The following MYO16 variants were observed in gnomAD, a reference collection of about 807,000 sequenced individuals.
MYO16 encodes unconventional myosin-XVI.
A neutral mutation model predicts 205.3 loss-of-function variants in MYO16; 94 were observed. The observed-to-expected ratio is 0.46, with a 90% CI of 0.39 to 0.54. The LOEUF (loss-of-function observed/expected upper bound fraction) is 0.54, where lower values mean the gene tolerates loss of function less well. Ranked by LOEUF, MYO16 falls within the 20% of genes least tolerant of loss-of-function variation. The probability of loss-of-function intolerance (pLI) is 0.00; values close to 1 mark genes in which losing one functional copy is unlikely to be tolerated. For synonymous variants in MYO16, 988 were observed against 954.0 expected (o/e 1.04, Z -0.66); for missense variants, 2,315 against 2,387.5 (o/e 0.97, Z 0.63).
At position 108,728,442 on chromosome 13, in the gene MYO16, C is replaced by T. The variant is rs557419984; in HGVS notation, c.507+859C>T. Among the ~76,000 whole-genome samples the T allele has an allele frequency of 6.3e-3, 941 of 149,290 alleles. 7 individuals are homozygous for T. The highest frequency in any genetic ancestry group is 0.022 in the African/African-American group (884 of 40,906). ...TTTCCCATGCCTGCCATACCAATTA[C>T]CGCCTAGTTGGTGGCTGAACACAAG... On this transcript the variant is annotated intron_variant, in intron 4 of 34. Transcript: ENST00000457511.
At position 108,603,152 on chromosome 13, in the gene MYO16, A is replaced by C. The variant is rs74117272; in HGVS notation, c.-39+6913A>C. Among the ~76,000 whole-genome samples the C allele has an allele frequency of 5.3e-3, 802 of 152,334 alleles. 12 individuals are homozygous for C. The highest frequency in any genetic ancestry group is 0.019 in the African/African-American group (773 of 41,576). ...TATCATGAAACACACATCTCGCCTA[A>C]AAACCAACTGAGAATTAGATTTGAT... On this transcript the variant is annotated intron_variant, in intron 1 of 24. Transcript: ENST00000251041.
At chr13:108,980,246 T>C (rs1884406393) in intron 20 of MYO16, among the ~76,000 whole-genome samples, 1 of 152,256 alleles carries the variant, frequency 6.6e-6, no homozygotes, top group South Asian at 2.1e-4. Flanking sequence ...TAGCATTTTG[T>C]TTTGCTAGCT....
chr13:108,680,658 G>A (rs1273741360), intron 2 of MYO16, among the ~76,000 whole-genome samples: 1 of 152,164 alleles, frequency 6.6e-6, no homozygotes, highest in Non-Finnish European at 1.5e-5. Flanking sequence ...TACACATGGA[G>A]AAATTGGTCT....
At chr13:108,556,997 G>C in the MYO16 span, among the ~76,000 whole-genome samples, 1 of 152,030 alleles carries the variant, frequency 6.6e-6, no homozygotes, top group Non-Finnish European at 1.5e-5. Flanking sequence ...CTATGCATCT[G>C]TTTTTATGCT....
At chr13:108,901,916 A>G (rs1277849946) in intron 15 of MYO16, among the ~76,000 whole-genome samples, 1 of 152,244 alleles carries the variant, frequency 6.6e-6, no homozygotes, top group Non-Finnish European at 1.5e-5. Context: ...ACTGGGAATC[A>G]GTTGTTTCCT....
intron 16 of MYO16, among the ~76,000 whole-genome samples, chr13:108,954,602 C>A (rs143327486): frequency 1.3e-5 from 2 of 151,940 alleles, no homozygotes; most frequent in Non-Finnish European, 1.5e-5. Context: ...ATTAGCCAGG[C>A]GTGGCGACAT....
chr13:109,171,574 C>G (rs554806121), intron 33 of MYO16, among the ~76,000 whole-genome samples: 2 of 152,160 alleles, frequency 1.3e-5, no homozygotes, highest in Non-Finnish European at 2.9e-5. Context: ...TTTACTGATG[C>G]GAGCGCAGAC....
At chr13:108,650,107 TA>T (rs1413319815) in intron 1 of MYO16, among the ~76,000 whole-genome samples, 2 of 151,982 alleles carry the variant, frequency 1.3e-5, no homozygotes, top group African/African-American at 4.8e-5. Context: ...ATCAAAAAAT[TA>T]AATAGCAAAT....
chr13:109,048,158 T>C (rs1287420378), intron 24 of MYO16, among the ~76,000 whole-genome samples: 3 of 318 alleles, frequency 9.4e-3, no homozygotes, highest in Non-Finnish European at 0.016. Flanking sequence ...AGGATATGTG[T>C]GTGTGTGTGT....
At chr13:109,183,716 A>G (rs1879555202) in intron 34 of MYO16, among the ~76,000 whole-genome samples, 1 of 152,228 alleles carries the variant, frequency 6.6e-6, no homozygotes, top group African/African-American at 2.4e-5. Flanking sequence ...TTTGTAAAGA[A>G]CATAAAAAGT....
At chr13:109,030,187 G>A (rs1387781471) in intron 23 of MYO16, among the ~76,000 whole-genome samples, 5 of 148,978 alleles carry the variant, frequency 3.4e-5, no homozygotes, top group Admixed American at 1.3e-4. Context: ...AAAACTAGCG[G>A]ATAGAATCAC....
intron 5 of MYO16, among the ~76,000 whole-genome samples, chr13:108,791,801 A>G (rs1336046424): frequency 6.6e-6 from 1 of 152,236 alleles, no homozygotes; most frequent in Non-Finnish European, 1.5e-5. Context: ...AGCACATTGA[A>G]GCCCACACAG....
chr13:108,497,749 C>A, the MYO16 span, among the ~76,000 whole-genome samples: 1 of 152,212 alleles, frequency 6.6e-6, no homozygotes, highest in East Asian at 1.9e-4. Flanking sequence ...CTCTCCTCCA[C>A]CCCCCTGGCC....
At chr13:108,609,262 C>T (rs1879082278) in intron 1 of MYO16, among the ~76,000 whole-genome samples, 1 of 152,150 alleles carries the variant, frequency 6.6e-6, no homozygotes, top group Non-Finnish European at 1.5e-5. Flanking sequence ...GCTGGGGCTG[C>T]AGGCTTTGCA....
chr13:109,048,529 T>C (rs576422516), intron 24 of MYO16: 1 of 426,076 alleles, frequency 2.3e-6, no homozygotes, highest in Non-Finnish European at 4.3e-6. Flanking sequence ...ACAATACAAA[T>C]GGATGTGACT....
the MYO16 span, among the ~76,000 whole-genome samples, chr13:108,573,748 G>A: frequency 6.6e-6 from 1 of 152,130 alleles, no homozygotes; most frequent in Non-Finnish European, 1.5e-5. Context: ...TCATCCAGAT[G>A]CACTGTTTTC....
the MYO16 span, among the ~76,000 whole-genome samples, chr13:108,529,437 T>C: frequency 6.6e-6 from 1 of 152,204 alleles, no homozygotes. Context: ...TGGTCTCTTT[T>C]GAAAGCACAC....
chr13:108,784,466 T>C (rs1281319913), intron 4 of MYO16, among the ~76,000 whole-genome samples: 3 of 152,186 alleles, frequency 2.0e-5, no homozygotes, highest in Admixed American at 2.0e-4. Context: ...AATGTTAAGA[T>C]ACGGAATATT....
intron 4 of MYO16, among the ~76,000 whole-genome samples, chr13:108,753,496 T>C (rs1272088236): frequency 6.6e-6 from 1 of 152,150 alleles, no homozygotes; most frequent in East Asian, 1.9e-4. Context: ...GGAATGGCTT[T>C]ATTGACTCAT....
Sources: gnomAD v4.1 joint callset for allele counts (sites outside exome capture counted in the v4.1 genomes callset) on GRCh38, gnomAD v4.1.1 for gene constraint, MANE v1.5 for transcripts, NCBI Gene and HGNC (gene_info 2026-07-23, HGNC 2026-07-21) for gene names.